The following YES1 variants were observed in gnomAD, a reference collection of about 807,000 sequenced individuals.
YES1 encodes tyrosine-protein kinase Yes.
A neutral mutation model predicts 70.4 loss-of-function variants in YES1; 39 were observed. The observed-to-expected ratio is 0.55, with a 90% CI of 0.43 to 0.72. The LOEUF is 0.72. Among genes scored for constraint, YES1 ranks in the 30% least tolerant of loss-of-function variants. The pLI is 0.00. For missense variants in YES1, 495 were observed against 644.8 expected (o/e 0.77, Z 2.52); for synonymous variants, 198 against 218.6 (o/e 0.91, Z 0.83).
intron 1 of YES1, among the ~76,000 whole-genome samples, chr18:770,346 C>T (rs1230968898): frequency 6.6e-6 from 1 of 151,538 alleles, no homozygotes; most frequent in Non-Finnish European, 1.5e-5. Context: ...AAGGACTTTC[C>T]CCTCTAGCTA....
chr18:796,434 G>T (rs1178143023), intron 1 of YES1, among the ~76,000 whole-genome samples: 1 of 152,136 alleles, frequency 6.6e-6, no homozygotes, highest in Non-Finnish European at 1.5e-5. Context: ...CTGTTATCAT[G>T]GTTATAATCA....
At chr18:811,472 A>G (rs1907375988) in intron 1 of YES1, among the ~76,000 whole-genome samples, 1 of 152,164 alleles carries the variant, frequency 6.6e-6, no homozygotes, top group Non-Finnish European at 1.5e-5. Flanking sequence ...CTTTAAGACA[A>G]TTTTCTTTAA....
At chr18:770,145 A>G (rs1905087345) in intron 1 of YES1, among the ~76,000 whole-genome samples, 1 of 151,894 alleles carries the variant, frequency 6.6e-6, no homozygotes, top group African/African-American at 2.4e-5. Context: ...TTTTTAGTAG[A>G]GACAGGGTTT....
At chr18:761,891 A>C (rs563297703) in intron 1 of YES1, among the ~76,000 whole-genome samples, 1 of 152,344 alleles carries the variant, frequency 6.6e-6, no homozygotes, top group South Asian at 2.1e-4. Flanking sequence ...TTGTCTTAGA[A>C]ACGTTAACAT....
chr18:787,042 C>G (rs1017236188), intron 1 of YES1, among the ~76,000 whole-genome samples: 16 of 133,898 alleles, frequency 1.2e-4, no homozygotes, highest in Admixed American at 7.7e-4. Flanking sequence ...AAAAGATGGC[C>G]AAAATTATGT....
rs1338605427 is a variant in YES1 at position 812,140 on chromosome 18, T to G, written c.-35A>C. The stretch of plus-strand genomic sequence containing the variant: ...TGTCCTCCGGCCGCGCTCTCATGAG[T>G]CGCTGCTACCGCAGCTCGAGGTGGC... On this transcript the variant is annotated 5_prime_UTR_variant, in exon 1 of 12. Coordinates refer to ENST00000314574, the MANE Select transcript of YES1 (RefSeq NM_005433.4). 2.6e-5 allele frequency: 4 copies of G among 152,238 alleles called. No individual in the cohort carries two copies. Among genetic ancestry groups the G allele is most frequent in the Non-Finnish European group, 4.4e-5 (3 of 67,838 alleles). The allele number at this position is 152,238 out of a possible 1,614,324, so 9.4% of individuals were successfully genotyped here. A position where few individuals can be genotyped will look rare whatever the true frequency, so the allele number is the denominator to read the frequency against.
At chr18:758,592 C>T (rs181642363) in intron 1 of YES1, among the ~76,000 whole-genome samples, 2 of 152,286 alleles carry the variant, frequency 1.3e-5, no homozygotes. Context: ...AAATCCTATC[C>T]TTTCACTGAT....
intron 4 of YES1, among the ~76,000 whole-genome samples, chr18:746,927 CAT>C (rs2145717349): frequency 6.6e-6 from 1 of 152,278 alleles, no homozygotes; most frequent in African/African-American, 2.4e-5. Flanking sequence ...TATATATACA[CAT>C]GTATTTTTTC....
At chr18:811,784 C>T (rs1287681810) in intron 1 of YES1, among the ~76,000 whole-genome samples, 1 of 152,174 alleles carries the variant, frequency 6.6e-6, no homozygotes, top group Non-Finnish European at 1.5e-5. Flanking sequence ...TAAACCTCTC[C>T]TCCCCGTCGC....
chr18:749,169 A>C (rs993889057), intron 3 of YES1, among the ~76,000 whole-genome samples: 1 of 151,572 alleles, frequency 6.6e-6, no homozygotes, highest in Non-Finnish European at 1.5e-5. Flanking sequence ...TAAAAAAAAC[A>C]AAGAAACAAA....
intron 1 of YES1, among the ~76,000 whole-genome samples, chr18:792,322 T>C (rs1435668010): frequency 6.6e-6 from 1 of 151,248 alleles, no homozygotes; most frequent in Non-Finnish European, 1.5e-5. Context: ...AACAAACAAA[T>C]AAATAAAGAA....
chr18:803,295 T>G (rs1001734926), intron 1 of YES1, among the ~76,000 whole-genome samples: 3 of 152,202 alleles, frequency 2.0e-5, no homozygotes, highest in Admixed American at 2.0e-4. Flanking sequence ...GGAAACACAT[T>G]TCAAAGATTC....
intron 9 of YES1, chr18:737,196 T>C (rs1400935833): frequency 5.5e-6 from 2 of 365,480 alleles, no homozygotes; most frequent in Non-Finnish European, 9.9e-6. Context: ...CCCACACCTA[T>C]AATCCCATTA....
At chr18:789,361 G>A (rs910208994) in intron 1 of YES1, among the ~76,000 whole-genome samples, 1 of 150,914 alleles carries the variant, frequency 6.6e-6, no homozygotes, top group South Asian at 2.1e-4. Context: ...GTGGGAGGAT[G>A]GCTTGAGCCC....
chr18:743,085 C>T lies in YES1; in HGVS notation c.893G>A (p.Gly298Glu). 6.3e-7 allele frequency: 1 copy of T among 1,590,192 alleles called. No homozygotes were observed. The highest frequency in any genetic ancestry group is 8.5e-7 in the Non-Finnish European group (1 of 1,172,840). The change falls in exon 8 of 12, where the codon GGA becomes GAA. Residue 298 changes from glycine (G) to glutamate (E), a missense_variant. By Grantham distance (98) the Gly-to-Glu change is moderately conservative. Around this residue, in one of 2 missense-constraint regions of YES1, gnomAD observed 385 missense variants for 540.9 expected, o/e 0.71. Transcript: ENST00000314574. ...FGEVWMGTWN[G>E]TTKVAIKTLK... The stretch of plus-strand genomic sequence containing the variant: ...TGTTTTGATTGCTACTTTCGTGGTT[C>T]CATTCCATGTTCCTAAAGAAATAAC...
intron 1 of YES1, among the ~76,000 whole-genome samples, chr18:796,540 C>T (rs1273066816): frequency 6.6e-6 from 1 of 152,060 alleles, no homozygotes; most frequent in Admixed American, 6.6e-5. Context: ...GAGACCGAGG[C>T]GGGCAGATCA....
At position 745,754 on chromosome 18, in the gene YES1, G is replaced by C; in HGVS notation, c.678C>G (p.Thr226=). ...TCTGCAGAGTATCAAATTGTGCTCT[G>C]GTTGTGATATAGTATCCACCATTGT... ...KLDNGGYYIT[T]RAQFDTLQKL... The change falls in exon 6 of 12, where the codon ACC becomes ACG. Residue 226 remains threonine (T), a synonymous_variant. Coordinates refer to ENST00000314574, the MANE Select transcript of YES1 (RefSeq NM_005433.4). 6.2e-7 allele frequency: 1 copy of C among 1,613,228 alleles called. No homozygotes were observed. Among genetic ancestry groups the C allele is most frequent in the Non-Finnish European group, 8.5e-7 (1 of 1,179,736 alleles).
intron 2 of YES1, among the ~76,000 whole-genome samples, chr18:753,320 G>C (rs1024779909): frequency 6.6e-6 from 1 of 151,944 alleles, no homozygotes; most frequent in Non-Finnish European, 1.5e-5. Flanking sequence ...TTAAAATTTT[G>C]TTAGTAATTT....
intron 8 of YES1, among the ~76,000 whole-genome samples, chr18:741,963 A>G (rs1438245075): frequency 1.3e-5 from 2 of 152,182 alleles, no homozygotes; most frequent in African/African-American, 4.8e-5. Flanking sequence ...TTTTGGTTTC[A>G]GTCCCCTTTT....
Sources: gnomAD v4.1 joint callset for allele counts (sites outside exome capture counted in the v4.1 genomes callset) on GRCh38, gnomAD v4.1.1 for gene constraint, gnomAD v4.1.1 regional missense constraint, MANE v1.5 for transcripts, NCBI Gene and HGNC (gene_info 2026-07-23, HGNC 2026-07-21) for gene names.